ANO2: variants seen among roughly 807,000 people sequenced by gnomAD.
The protein encoded by ANO2 is anoctamin-2.
Under a neutral mutation model 124.2 loss-of-function variants are expected in ANO2, and 101 were observed. The observed-to-expected ratio is 0.81, with a 90% CI of 0.69 to 0.96. ANO2 has a LOEUF of 0.96. Ranked by LOEUF, ANO2 falls within the 40% of genes least tolerant of loss-of-function variation. The pLI is 0.00. For synonymous variants in ANO2, 486 were observed against 482.5 expected (o/e 1.01, Z -0.09); for missense variants, 1,293 against 1,274.5 (o/e 1.01, Z -0.22).
chr12:5,743,166 C>T (rs1032360072), intron 12 of ANO2, among the ~76,000 whole-genome samples: 2 of 151,968 alleles, frequency 1.3e-5, no homozygotes, highest in Non-Finnish European at 2.9e-5. Context: ...TCTCCCTCTC[C>T]TCCTTCTCCT....
intron 4 of ANO2, among the ~76,000 whole-genome samples, chr12:5,852,367 C>A (rs1053280717): frequency 2.0e-5 from 3 of 152,092 alleles, no homozygotes; most frequent in African/African-American, 7.2e-5. Context: ...AGGCATGTGA[C>A]CCCCCTCCCC....
intron 3 of ANO2, among the ~76,000 whole-genome samples, chr12:5,881,511 G>A (rs577928021): frequency 4.8e-4 from 73 of 152,308 alleles, no homozygotes; most frequent in Non-Finnish European, 9.8e-4. Flanking sequence ...AAATTCAGAA[G>A]GGGCAATATT....
At chr12:5,840,379 C>T (rs1368870832) in intron 4 of ANO2, among the ~76,000 whole-genome samples, 2 of 152,018 alleles carry the variant, frequency 1.3e-5, no homozygotes, top group Admixed American at 1.3e-4. Context: ...TGCAGAGGGG[C>T]ACAGCAGTGT....
chr12:5,727,877 G>A (rs1405899178), intron 14 of ANO2, among the ~76,000 whole-genome samples: 1 of 151,338 alleles, frequency 6.6e-6, no homozygotes, highest in African/African-American at 2.4e-5. Context: ...TGCAATCTCG[G>A]CTCACTGCAA....
chr12:5,885,208 CCT>C (rs2137304115), intron 3 of ANO2, among the ~76,000 whole-genome samples: 1 of 152,304 alleles, frequency 6.6e-6, no homozygotes, highest in African/African-American at 2.4e-5. Context: ...CTGGGTGGCC[CCT>C]GACTCATATA....
At chr12:5,584,414 T>G (rs763291133) in intron 20 of ANO2, among the ~76,000 whole-genome samples, 3 of 152,162 alleles carry the variant, frequency 2.0e-5, no homozygotes, top group Non-Finnish European at 4.4e-5. Context: ...CTGTTTTTCT[T>G]TAATTAAAAA....
At chr12:5,894,635 AAGTCTTT>A (rs1215636596) in intron 3 of ANO2, among the ~76,000 whole-genome samples, 1 of 152,140 alleles carries the variant, frequency 6.6e-6, no homozygotes, top group Non-Finnish European at 1.5e-5. Context: ...TCTTACGTTT[AAGTCTTT>A]AGTCCATCTT....
chr12:5,572,187 A>C (rs1321864378), intron 23 of ANO2, among the ~76,000 whole-genome samples: 1 of 152,072 alleles, frequency 6.6e-6, no homozygotes, highest in Non-Finnish European at 1.5e-5. Context: ...TCCTCTCCTT[A>C]ATATGGAGTT....
intron 19 of ANO2, among the ~76,000 whole-genome samples, chr12:5,611,521 A>G (rs957281851): frequency 6.6e-6 from 1 of 152,140 alleles, no homozygotes; most frequent in African/African-American, 2.4e-5. Flanking sequence ...AAACAGTGTT[A>G]TTCCTGGTTA....
At chr12:5,767,362 C>G (rs1415077963) in intron 10 of ANO2, among the ~76,000 whole-genome samples, 1 of 152,186 alleles carries the variant, frequency 6.6e-6, no homozygotes, top group Non-Finnish European at 1.5e-5. Flanking sequence ...CAGCAAAAGT[C>G]TCTCCTTGGT....
rs545490481 is a variant in ANO2 at position 5,644,540 on chromosome 12, C to T, written c.1620+3187G>A. Among the ~76,000 whole-genome samples, 8 of 152,258 alleles carry T rather than the reference C, an allele frequency of 5.3e-5. 1 individual carries two copies. The South Asian group carries it at 1.7e-3, about 32-fold the overall frequency. ...CATTATTGTTCTATTTATTGTCCAC[C>T]CAACTTACATAGTATTGTTGCATAT... On this transcript the variant is annotated intron_variant, in intron 15 of 24. Coordinates refer to ENST00000682330, the MANE Select transcript of ANO2 (RefSeq NM_001364791.2).
rs144561600 is a variant in ANO2 at position 5,652,914 on chromosome 12, A to G, written c.1546-5113T>C. Among the ~76,000 whole-genome samples, 10 of 152,274 alleles carry G rather than the reference A, an allele frequency of 6.6e-5. No homozygotes were observed. In the East Asian group the frequency reaches 1.7e-3, roughly 26 times the overall value. ...CAGAAGAAAGTCACAAAGTGCCCAC[A>G]TTTAAGGTGGGGGAATTACACTCCA... On this transcript the variant is annotated intron_variant, in intron 14 of 24. Coordinates refer to ENST00000682330, the MANE Select transcript of ANO2 (RefSeq NM_001364791.2).
rs1334646096 is a variant in ANO2 at position 5,767,365 on chromosome 12, TCC to T, written c.1056-16397_1056-16396del. Among the ~76,000 whole-genome samples, 10 of 152,176 alleles carry T rather than the reference TCC, an allele frequency of 6.6e-5. No individual in the cohort carries two copies. In the East Asian group the frequency reaches 1.7e-3, roughly 26 times the overall value. On this transcript the variant is annotated intron_variant, in intron 10 of 24. Transcript: ENST00000682330. ...AGCCAGGCAAGACAGCAAAAGTCTC[TCC>T]TTGGTGAACCTAAGAGACAGGGCCA...
At chr12:5,762,534 G>T (rs1037887445) in intron 10 of ANO2, among the ~76,000 whole-genome samples, 1 of 151,846 alleles carries the variant, frequency 6.6e-6, no homozygotes, top group Non-Finnish European at 1.5e-5. Context: ...ATGTTAAATG[G>T]TATGAACATG....
At chr12:5,706,446 ATC>A (rs1223887641) in intron 14 of ANO2, among the ~76,000 whole-genome samples, 4 of 151,548 alleles carry the variant, frequency 2.6e-5, no homozygotes, top group African/African-American at 9.7e-5. Context: ...TGCACTTGCT[ATC>A]TCTCTGTCTG....
In ANO2 at chr12:5,635,048, A is replaced by G. The variant is rs1362222326; in HGVS notation, c.1816+104T>C. 5 of 1,064,596 alleles carry G rather than the reference A, an allele frequency of 4.7e-6. No individual in the cohort carries two copies. The highest frequency in any genetic ancestry group is 5.2e-6 in the Non-Finnish European group (4 of 766,364). The allele number at this position is 1,064,596 out of a possible 1,614,324, so 65.9% of individuals were successfully genotyped here. ...TCTCTAATTAAAATGCACTGTACAA[A>G]GCATCCTGTCCCTGTCCCATTTTTT... On this transcript the variant is annotated intron_variant, in intron 16 of 24. Coordinates refer to ENST00000682330, the MANE Select transcript of ANO2 (RefSeq NM_001364791.2). The surrounding 1 kb of genome is among the most constrained non-coding windows in gnomAD (Gnocchi z 5.2).
At chr12:5,709,065 T>C (rs1296032905) in intron 14 of ANO2, among the ~76,000 whole-genome samples, 1 of 152,218 alleles carries the variant, frequency 6.6e-6, no homozygotes, top group African/African-American at 2.4e-5. Flanking sequence ...AAGCACTTTT[T>C]AAATACATTA....
chr12:5,860,037 C>T (rs1254952783), intron 3 of ANO2, among the ~76,000 whole-genome samples: 2 of 152,160 alleles, frequency 1.3e-5, no homozygotes, highest in African/African-American at 4.8e-5. Context: ...ATAATTTGCA[C>T]ATGGTCTAAG....
intron 14 of ANO2, among the ~76,000 whole-genome samples, chr12:5,688,440 C>G (rs949032754): frequency 6.6e-6 from 1 of 152,154 alleles, no homozygotes; most frequent in East Asian, 1.9e-4. Context: ...ATAACCCTCA[C>G]AAAGGATTTT....
Sources: gnomAD v4.1 joint callset for allele counts (sites outside exome capture counted in the v4.1 genomes callset) on GRCh38, gnomAD v4.1.1 for gene constraint, Gnocchi (gnomAD v3.1) non-coding constraint, MANE v1.5 for transcripts, NCBI Gene and HGNC (gene_info 2026-07-23, HGNC 2026-07-21) for gene names.